POLA2: variants seen among roughly 807,000 people sequenced by gnomAD.
POLA2 encodes DNA polymerase alpha subunit B.
Under a neutral mutation model 82.8 loss-of-function variants are expected in POLA2, and 47 were observed. That is an observed-to-expected ratio of 0.57 (90% CI 0.45 to 0.72). The LOEUF (loss-of-function observed/expected upper bound fraction) is 0.72. Among genes scored for constraint, POLA2 ranks in the 30% least tolerant of loss-of-function variants. POLA2 has a pLI of 0.00. For missense variants in POLA2, 634 were observed against 728.1 expected (o/e 0.87, Z 1.49); for synonymous variants, 287 against 286.8 (o/e 1.00, Z -0.01).
chr11:65,289,198 T>A, intron 12 of POLA2, 110 bp downstream of exon 12: 1 of 794,888 alleles, frequency 1.3e-6, no homozygotes, highest in Non-Finnish European at 2.0e-6. Context: ...TTAAGTCCTG[T>A]GGCTAATCAG....
At chr11:65,279,371 G>A (rs537490520) in intron 6 of POLA2, among the ~76,000 whole-genome samples, 167 bp from the exon 7 acceptor site, 24 of 152,102 alleles carry the variant, frequency 1.6e-4, no homozygotes, top group Non-Finnish European at 2.2e-4. Context: ...ACCAAATATC[G>A]GAAAATTGGC....
intron 10 of POLA2, among the ~76,000 whole-genome samples, chr11:65,283,968 C>CAA (rs879880217): frequency 5.2e-5 from 5 of 95,736 alleles, no homozygotes; most frequent in Non-Finnish European, 4.5e-5. Context: ...CCTGTCTCTA[C>CAA]AAAAAAAAAA....
intron 1 of POLA2, among the ~76,000 whole-genome samples, chr11:65,265,895 T>TA (rs1949455166): frequency 6.6e-6 from 1 of 152,206 alleles, no homozygotes; most frequent in African/African-American, 2.4e-5. Context: ...CCCTTCTAGA[T>TA]ACGCTCACTC....
At chr11:65,288,485 T>C (rs540277868) in intron 11 of POLA2, among the ~76,000 whole-genome samples, 2 of 151,096 alleles carry the variant, frequency 1.3e-5, no homozygotes, top group Non-Finnish European at 2.9e-5. Context: ...AAACCCAGTG[T>C]GCATTTTTAT....
chr11:65,293,320 C>T (rs1010798086), intron 13 of POLA2, among the ~76,000 whole-genome samples: 1 of 151,984 alleles, frequency 6.6e-6, no homozygotes, highest in African/African-American at 2.4e-5. Flanking sequence ...CTTCTAAATA[C>T]GAAGCCAGGC....
In POLA2 at chr11:65,287,698, C is replaced by T; in HGVS notation, c.1007-18C>T. Reference sequence around the variant, plus strand: ...ATACTAGTCCTCTTCTAATCAAGACCTATAACCTCTGTCTTAGACTTTGAG... The same window carrying T: ...ATACTAGTCCTCTTCTAATCAAGACTTATAACCTCTGTCTTAGACTTTGAG... On this transcript the variant is annotated intron_variant, in intron 10 of 17. Coordinates refer to ENST00000265465, the MANE Select transcript of POLA2 (RefSeq NM_002689.4). The T allele has an allele frequency of 1.2e-6, 2 of 1,608,852 alleles. No individual in the cohort carries two copies. Among genetic ancestry groups the T allele is most frequent in the Non-Finnish European group, 1.7e-6 (2 of 1,176,436 alleles).
intron 10 of POLA2, among the ~76,000 whole-genome samples, chr11:65,284,202 G>A (rs1949671191): frequency 1.3e-5 from 2 of 152,190 alleles, no homozygotes; most frequent in South Asian, 4.1e-4. Flanking sequence ...GTGGCCAGGT[G>A]TGATGGCTGA....
intron 8 of POLA2, 94 bp downstream of exon 8, chr11:65,281,241 C>G (rs976775537): frequency 2.3e-6 from 3 of 1,322,090 alleles, no homozygotes; most frequent in Non-Finnish European, 3.2e-6. Context: ...CAGTTCCTGT[C>G]TCTGCTGCCA....
intron 4 of POLA2, among the ~76,000 whole-genome samples, chr11:65,273,361 A>G (rs1246537147): frequency 1.3e-5 from 2 of 152,178 alleles, no homozygotes; most frequent in Admixed American, 6.5e-5. Flanking sequence ...AATTGGCATT[A>G]AGTGTTAATA....
intron 5 of POLA2, 74 bp downstream of exon 5, chr11:65,276,072 T>C: frequency 1.3e-6 from 1 of 783,652 alleles, no homozygotes; most frequent in Non-Finnish European, 2.1e-6. Context: ...TGAGGAAGGC[T>C]AACAGCAGAG....
chr11:65,265,520 G>A (rs1194158432), intron 1 of POLA2, among the ~76,000 whole-genome samples: 1 of 151,508 alleles, frequency 6.6e-6, no homozygotes, highest in Non-Finnish European at 1.5e-5. Flanking sequence ...TTGCTCTGTT[G>A]CCCAGGCTGG....
chr11:65,301,139 G>C (rs1949857286), downstream of POLA2, among the ~76,000 whole-genome samples: 1 of 152,064 alleles, frequency 6.6e-6, no homozygotes, highest in African/African-American at 2.4e-5. Context: ...GATTTACGAA[G>C]GAAGACAAGG....
rs1590889783 is a variant in POLA2, at chr11:65,266,533, C to T, written c.80-49C>T. The T allele has an allele frequency of 4.4e-6, 7 of 1,605,938 alleles. No individual in the cohort carries two copies. The East Asian group carries it at 6.7e-5, about 15-fold the overall frequency. ...ATTATTTTTGCTTTTCTAGGTGAAACTTCGAGAAATGAACTAAGTTTTTAC... is the reference window on the plus strand; with the variant it reads ...ATTATTTTTGCTTTTCTAGGTGAAATTTCGAGAAATGAACTAAGTTTTTAC... On this transcript the variant is annotated intron_variant, in intron 1 of 17. Transcript: ENST00000265465.
chr11:65,279,472 T>C (rs1255928361), intron 6 of POLA2, 66 bp from the exon 7 acceptor site: 4 of 1,009,958 alleles, frequency 4.0e-6, no homozygotes, highest in Non-Finnish European at 6.1e-6. Flanking sequence ...CAATGTGCTG[T>C]ATTTTCTCTT....
chr11:65,265,218 ACT>A (rs1468365250), intron 1 of POLA2, among the ~76,000 whole-genome samples: 1 of 145,154 alleles, frequency 6.9e-6, no homozygotes, highest in African/African-American at 2.6e-5. Flanking sequence ...ACAGAGTGCA[ACT>A]CTGTCTCCAA....
At chr11:65,299,202 C>T (rs1048374882), downstream of POLA2, among the ~76,000 whole-genome samples, 5 of 152,194 alleles carry the variant, frequency 3.3e-5, no homozygotes, top group African/African-American at 9.7e-5. Flanking sequence ...AGGTCAGGCC[C>T]GTCTGCCTCA....
At chr11:65,278,683 C>T in intron 5 of POLA2, 47 bp from the exon 6 acceptor site, 3 of 1,464,312 alleles carry the variant, frequency 2.0e-6, no homozygotes, top group Non-Finnish European at 2.8e-6. Context: ...TCTTCTCTCC[C>T]TTTAGATATG....
chr11:65,271,075 T>A (rs1949516178), intron 4 of POLA2, among the ~76,000 whole-genome samples: 1 of 152,252 alleles, frequency 6.6e-6, no homozygotes, highest in East Asian at 1.9e-4. Context: ...TCTTCTGTTT[T>A]ATTTTCTTGC....
intron 13 of POLA2, among the ~76,000 whole-genome samples, chr11:65,293,853 C>T (rs1181379104): frequency 6.6e-6 from 1 of 152,144 alleles, no homozygotes; most frequent in Non-Finnish European, 1.5e-5. Flanking sequence ...TTTCTTTGCC[C>T]CTTTTTCTGC....
Sources: allele counts gnomAD v4.1 joint callset (sites outside exome capture counted in the v4.1 genomes callset), GRCh38; gene constraint gnomAD v4.1.1; transcripts MANE v1.5; gene names NCBI Gene and HGNC (gene_info 2026-07-23, HGNC 2026-07-21).